Variants in GALNTL6 observed in about 807,000 individuals in gnomAD.
The protein encoded by GALNTL6 is polypeptide N-acetylgalactosaminyltransferase-like 6.
A neutral mutation model predicts 73.7 loss-of-function variants in GALNTL6; 46 were observed. The ratio of observed to expected loss-of-function variants is 0.62; its 90% CI spans 0.49 to 0.80. The LOEUF is 0.80. Ranked by LOEUF, GALNTL6 falls within the 30% of genes least tolerant of loss-of-function variation. GALNTL6 has a pLI of 0.00. For missense variants in GALNTL6, 604 were observed against 755.0 expected (o/e 0.80, Z 2.34); for synonymous variants, 259 against 263.7 (o/e 0.98, Z 0.17).
intron 5 of GALNTL6, among the ~76,000 whole-genome samples, chr4:172,494,307 A>G (rs1050659022): frequency 2.6e-5 from 4 of 152,174 alleles, no homozygotes; most frequent in African/African-American, 4.8e-5. Context: ...AAATAAGTTA[A>G]ATATAAAACC....
intron 5 of GALNTL6, among the ~76,000 whole-genome samples, chr4:172,639,547 A>AT (rs1420677883): frequency 1.3e-5 from 2 of 152,144 alleles, no homozygotes; most frequent in Non-Finnish European, 2.9e-5. Context: ...AACAATGTTC[A>AT]TTACCCCTAG....
intron 5 of GALNTL6, among the ~76,000 whole-genome samples, chr4:172,610,472 A>T (rs1738484801): frequency 6.6e-6 from 1 of 152,030 alleles, no homozygotes; most frequent in African/African-American, 2.4e-5. Flanking sequence ...GGAGCAGGTT[A>T]CTTAATTTCC....
chr4:172,862,504 C>T (rs1744446620), intron 7 of GALNTL6, among the ~76,000 whole-genome samples: 1 of 152,226 alleles, frequency 6.6e-6, no homozygotes, highest in Non-Finnish European at 1.5e-5. Flanking sequence ...CAAGACCAGC[C>T]TGGCCAATAT....
At chr4:172,383,847 CT>C (rs1743370933) in intron 5 of GALNTL6, among the ~76,000 whole-genome samples, 1 of 152,052 alleles carries the variant, frequency 6.6e-6, no homozygotes, top group Non-Finnish European at 1.5e-5. Context: ...TTGTCAAATA[CT>C]TTTCTACTTC....
intron 2 of GALNTL6, among the ~76,000 whole-genome samples, chr4:171,962,229 T>A (rs1739240543): frequency 2.0e-5 from 3 of 152,158 alleles, no homozygotes; most frequent in Admixed American, 2.0e-4. Context: ...GAGAGAAATA[T>A]GTCAGAAGCA....
chr4:172,607,417 A>C (rs543839239), intron 5 of GALNTL6, among the ~76,000 whole-genome samples: 1 of 152,140 alleles, frequency 6.6e-6, no homozygotes, highest in Non-Finnish European at 1.5e-5. Context: ...TTCCTGTGTT[A>C]GTTCACTTAG....
chr4:172,595,869 TGGG>T (rs1737830486), intron 5 of GALNTL6, among the ~76,000 whole-genome samples: 7 of 152,038 alleles, frequency 4.6e-5, no homozygotes, highest in African/African-American at 1.4e-4. Context: ...CCAAATCAAA[TGGG>T]AGAACACTTA....
At chr4:172,937,198 T>C (rs182856567) in intron 9 of GALNTL6, among the ~76,000 whole-genome samples, 81 of 151,530 alleles carry the variant, frequency 5.3e-4, no homozygotes, top group Non-Finnish European at 7.5e-4. Context: ...AGAGGTAAAA[T>C]AGAAAGGTCA....
At chr4:172,202,551 TA>T (rs1356949844) in intron 2 of GALNTL6, among the ~76,000 whole-genome samples, 2 of 152,184 alleles carry the variant, frequency 1.3e-5, no homozygotes, top group Admixed American at 1.3e-4. Context: ...GATATATAGA[TA>T]ATTATATTGG....
chr4:172,150,630 A>T (rs1474591920), intron 2 of GALNTL6, among the ~76,000 whole-genome samples: 1 of 152,198 alleles, frequency 6.6e-6, no homozygotes, highest in Non-Finnish European at 1.5e-5. Flanking sequence ...TGGTGGATTC[A>T]AGGAATTAAA....
rs759724292 is a variant in GALNTL6, at chr4:171,814,659, C to T, written c.79C>T (p.Leu27Phe). 1 of 1,614,070 alleles carries T rather than the reference C, an allele frequency of 6.2e-7. No homozygotes were observed. Among genetic ancestry groups the T allele is most frequent in the Non-Finnish European group, 8.5e-7 (1 of 1,180,018 alleles). ...VALIFLPNVG[L>F]WSLYKDKHLV... ...TTTAATTTTCCTGCCTAACGTTGGT[C>T]TCTGGTCTCTGTACAAGGATAAGCA... The change falls in exon 2 of 13, where the codon CTC becomes TTC. Residue 27 changes from leucine (L) to phenylalanine (F), a missense_variant. Physicochemically the swap from Leu to Phe is conservative, Grantham distance 22 (BLOSUM62 0). Transcript: ENST00000506823.
At chr4:172,982,311 C>T (rs570559026) in intron 10 of GALNTL6, among the ~76,000 whole-genome samples, 15 of 152,292 alleles carry the variant, frequency 9.8e-5, no homozygotes, top group Non-Finnish European at 1.8e-4. Context: ...TCAATCACCA[C>T]GGGACATCTC....
chr4:172,000,280 C>G (rs1740635229), intron 2 of GALNTL6, among the ~76,000 whole-genome samples: 1 of 152,170 alleles, frequency 6.6e-6, no homozygotes, highest in Non-Finnish European at 1.5e-5. Context: ...TCTCCTTGGT[C>G]AGAATCTTCC....
chr4:173,027,953 G>T (rs1753300131), intron 12 of GALNTL6, among the ~76,000 whole-genome samples: 1 of 152,044 alleles, frequency 6.6e-6, no homozygotes, highest in African/African-American at 2.4e-5. Context: ...CACAAAATAG[G>T]AATAAATCAC....
At chr4:172,042,195 T>A (rs571131406) in intron 2 of GALNTL6, among the ~76,000 whole-genome samples, 7 of 152,146 alleles carry the variant, frequency 4.6e-5, no homozygotes, top group African/African-American at 1.7e-4. Flanking sequence ...TAATAACAAA[T>A]TTTGCTTTAA....
In GALNTL6 at chr4:172,382,999, G is replaced by A. The variant is rs576403561; in HGVS notation, c.553+34310G>A. ...GATGCTCAATTCTATTTATTTGTCT[G>A]TTCTTATGTAGTACACACTGTATTA... On this transcript the variant is annotated intron_variant, in intron 5 of 12. Transcript: ENST00000506823. 2.3e-4 allele frequency among the ~76,000 whole-genome samples: 35 copies of A among 152,094 alleles called. 1 individual carries two copies. Among genetic ancestry groups the A allele is most frequent in the African/African-American group, 8.2e-4 (34 of 41,514 alleles).
chr4:172,759,384 C>A (rs1321454636), intron 5 of GALNTL6, among the ~76,000 whole-genome samples: 1 of 152,230 alleles, frequency 6.6e-6, no homozygotes, highest in Non-Finnish European at 1.5e-5. Context: ...CAAACTGGAA[C>A]AGGCATCACA....
intron 5 of GALNTL6, among the ~76,000 whole-genome samples, chr4:172,742,824 T>G (rs1736882373): frequency 2.0e-5 from 3 of 152,028 alleles, no homozygotes; most frequent in Admixed American, 2.0e-4. Context: ...GCAGTCCACT[T>G]CTAGTTGGTG....
intron 2 of GALNTL6, among the ~76,000 whole-genome samples, chr4:172,168,100 C>A (rs900867225): frequency 2.0e-5 from 3 of 152,110 alleles, no homozygotes; most frequent in Admixed American, 1.3e-4. Flanking sequence ...ACTCTATTAG[C>A]AACGGTCTGG....
Sources: allele counts gnomAD v4.1 joint callset (sites outside exome capture counted in the v4.1 genomes callset), GRCh38; gene constraint gnomAD v4.1.1; transcripts MANE v1.5; gene names NCBI Gene and HGNC (gene_info 2026-07-23, HGNC 2026-07-21).